Variants in ROBO1 observed in about 807,000 individuals in gnomAD.
ROBO1 encodes the protein roundabout guidance receptor 1.
ROBO1 carries 149 observed loss-of-function variants against 195.9 expected under a neutral mutation model. The ratio of observed to expected loss-of-function variants is 0.76; its 90% CI spans 0.67 to 0.87. The LOEUF is 0.87. Ranked by LOEUF, ROBO1 falls within the 40% of genes least tolerant of loss-of-function variation. ROBO1 has a pLI of 0.00. For missense variants in ROBO1, 1,933 were observed against 2,068.3 expected (o/e 0.93, Z 1.27); for synonymous variants, 816 against 733.2 (o/e 1.11, Z -1.82).
intron 2 of ROBO1, among the ~76,000 whole-genome samples, chr3:79,153,818 A>G (rs2080813578): frequency 1.3e-5 from 2 of 150,612 alleles, no homozygotes; most frequent in African/African-American, 4.9e-5. Flanking sequence ...CTAGGTTTTA[A>G]CATATATCAT....
At chr3:79,416,000 A>T (rs1461454683) in intron 2 of ROBO1, among the ~76,000 whole-genome samples, 3 of 151,872 alleles carry the variant, frequency 2.0e-5, no homozygotes, top group African/African-American at 7.3e-5. Flanking sequence ...GTAAATAACT[A>T]AAAAATGTCA....
chr3:79,231,430 G>A (rs1374817537), intron 2 of ROBO1, among the ~76,000 whole-genome samples: 1 of 152,012 alleles, frequency 6.6e-6, no homozygotes, highest in African/African-American at 2.4e-5. Flanking sequence ...CTCAAAAGAA[G>A]ACATACATGC....
intron 2 of ROBO1, among the ~76,000 whole-genome samples, chr3:79,579,982 A>C (rs146585585): frequency 2.6e-5 from 4 of 152,262 alleles, no homozygotes; most frequent in African/African-American, 9.6e-5. Context: ...TTGCATGTCA[A>C]GCTAAGAACT....
At chr3:79,204,417 G>A (rs2108786202) in intron 2 of ROBO1, among the ~76,000 whole-genome samples, 1 of 151,992 alleles carries the variant, frequency 6.6e-6, no homozygotes, top group African/African-American at 2.4e-5. Flanking sequence ...TCTTTAGTGT[G>A]TAACCTCCAT....
At chr3:79,531,992 G>T (rs9812945) in intron 2 of ROBO1, among the ~76,000 whole-genome samples, 73,734 of 152,040 alleles carry the variant, frequency 0.48, 17,954 homozygotes, top group Non-Finnish European at 0.51. Context: ...CTGTTTGAGA[G>T]AGAATTTGAG....
chr3:79,399,567 A>G (rs555945930), intron 2 of ROBO1, among the ~76,000 whole-genome samples: 15 of 152,176 alleles, frequency 9.9e-5, no homozygotes, highest in Non-Finnish European at 2.2e-4. Flanking sequence ...CTGTATTTAA[A>G]AATCAAAAGC....
intron 2 of ROBO1, among the ~76,000 whole-genome samples, chr3:79,457,973 T>A (rs1375153829): frequency 6.6e-6 from 1 of 152,158 alleles, no homozygotes; most frequent in Non-Finnish European, 1.5e-5. Context: ...TACAAAATTT[T>A]AATTAGGGCC....
chr3:79,235,270 A>G (rs1156720294), intron 2 of ROBO1, among the ~76,000 whole-genome samples: 3 of 152,186 alleles, frequency 2.0e-5, no homozygotes, highest in Non-Finnish European at 4.4e-5. Context: ...CATCATCAAG[A>G]AAGTTTTTAT....
chr3:79,030,387 C>G (rs1379016792), intron 3 of ROBO1, among the ~76,000 whole-genome samples: 5 of 152,162 alleles, frequency 3.3e-5, no homozygotes, highest in African/African-American at 4.8e-5. Context: ...AAAGAATAAG[C>G]TTGCCCAAAA....
intron 3 of ROBO1, among the ~76,000 whole-genome samples, chr3:79,112,394 C>T (rs2079902535): frequency 1.3e-5 from 2 of 152,206 alleles, no homozygotes; most frequent in African/African-American, 4.8e-5. Context: ...GTAACCGCCA[C>T]TGAAATCAGT....
At chr3:79,249,059 TTTTC>T (rs756142084) in intron 2 of ROBO1, among the ~76,000 whole-genome samples, 11 of 152,214 alleles carry the variant, frequency 7.2e-5, no homozygotes, top group Non-Finnish European at 1.5e-4. Flanking sequence ...TCCTGTCTTC[TTTTC>T]TTTCTATTAG....
At chr3:78,673,832 A>G (rs11920344) in intron 10 of ROBO1, among the ~76,000 whole-genome samples, 38,279 of 151,244 alleles carry the variant, frequency 0.25, 5,018 homozygotes, top group African/African-American at 0.31. Flanking sequence ...TTCACGTACA[A>G]AAAGTCACAT....
At chr3:78,713,219 A>T (rs934981468) in intron 8 of ROBO1, among the ~76,000 whole-genome samples, 1 of 151,398 alleles carries the variant, frequency 6.6e-6, no homozygotes, top group Non-Finnish European at 1.5e-5. Context: ...TGAGCTAAAA[A>T]CCCCAAAGTG....
chr3:79,180,530 A>G (rs747411081), intron 2 of ROBO1, among the ~76,000 whole-genome samples: 1 of 152,206 alleles, frequency 6.6e-6, no homozygotes, highest in African/African-American at 2.4e-5. Context: ...GGCTAAGGAC[A>G]TAAACTCTGA....
intron 1 of ROBO1, among the ~76,000 whole-genome samples, chr3:79,699,211 T>A (rs1947537917): frequency 6.6e-6 from 1 of 151,162 alleles, no homozygotes; most frequent in Admixed American, 6.6e-5. Context: ...ATTTGAAAAG[T>A]TTGATTAGAA....
intron 2 of ROBO1, among the ~76,000 whole-genome samples, chr3:79,410,400 G>T (rs1284872642): frequency 2.0e-5 from 3 of 152,064 alleles, no homozygotes; most frequent in South Asian, 2.1e-4. Flanking sequence ...GGGGACAAAG[G>T]TTTGGACTTT....
At chr3:79,035,642 T>C (rs550269166) in intron 3 of ROBO1, among the ~76,000 whole-genome samples, 42 of 152,030 alleles carry the variant, frequency 2.8e-4, no homozygotes, top group Middle Eastern at 6.8e-3. Flanking sequence ...GGAGGATCAC[T>C]TGAACTTGAA....
At chr3:79,351,063 T>A (rs2035321739) in intron 2 of ROBO1, among the ~76,000 whole-genome samples, 1 of 152,120 alleles carries the variant, frequency 6.6e-6, no homozygotes, top group Admixed American at 6.6e-5. Context: ...TGAGTATGAG[T>A]ATATTAAAAC....
intron 2 of ROBO1, among the ~76,000 whole-genome samples, chr3:79,513,209 G>A (rs762392602): frequency 1.6e-3 from 245 of 152,008 alleles, no homozygotes; most frequent in Middle Eastern, 6.3e-3. Context: ...GGAACTTTCA[G>A]TCTCGTATTT....
Sources: gnomAD v4.1 joint callset for allele counts (sites outside exome capture counted in the v4.1 genomes callset) on GRCh38, gnomAD v4.1.1 for gene constraint, MANE v1.5 for transcripts, NCBI Gene and HGNC (gene_info 2026-07-23, HGNC 2026-07-21) for gene names.